The following CHD1 variants were observed in gnomAD, a reference collection of about 807,000 sequenced individuals.
CHD1 encodes chromodomain helicase DNA binding protein 1.
CHD1 carries 36 observed loss-of-function variants against 224.2 expected under a neutral mutation model. The observed-to-expected ratio is 0.16, with a 90% CI of 0.12 to 0.21. The LOEUF (loss-of-function observed/expected upper bound fraction) is 0.21. CHD1 is among the 10% of genes least tolerant of loss of function. CHD1 has a pLI of 1.00. For synonymous variants in CHD1, 668 were observed against 658.3 expected (o/e 1.01, Z -0.23); for missense variants, 1,378 against 1,994.8 (o/e 0.69, Z 5.89).
At chr5:98,862,406 A>G (rs976605821) in intron 32 of CHD1, among the ~76,000 whole-genome samples, 1 of 152,186 alleles carries the variant, frequency 6.6e-6, no homozygotes, top group African/African-American at 2.4e-5. Flanking sequence ...CTTAGGATGT[A>G]AAGTGACAGA....
Position 98,870,753 on chromosome 5 carries a change from G to C in CHD1, c.3912C>G (p.Thr1304=), listed in dbSNP as rs1159501001. The change falls in exon 29 of 36, where the codon ACC becomes ACG. Residue 1304 remains threonine, a synonymous_variant. Transcript: ENST00000614616. The part of the protein sequence containing the change: ...DKKPQAKQLQ[T]RADYLIKLLS... ...GTAATTTGATGAGGTAGTCTGCACGGGTCTGCAACTGTTTTGCTTGTGGTT... is the reference window on the plus strand; with the variant it reads ...GTAATTTGATGAGGTAGTCTGCACGCGTCTGCAACTGTTTTGCTTGTGGTT... 6.2e-7 allele frequency: 1 copy of C among 1,612,158 alleles called. No individual in the cohort carries two copies. Among genetic ancestry groups the C allele is most frequent in the South Asian group, 1.1e-5 (1 of 90,840 alleles).
At chr5:98,859,086 C>G (rs980411326) in intron 33 of CHD1, 71 bp from the exon 34 acceptor site, 66 of 1,161,476 alleles carry the variant, frequency 5.7e-5, no homozygotes, top group Non-Finnish European at 7.6e-5. Flanking sequence ...ACAGATAATT[C>G]TTAGAAAATA....
chr5:98,881,042 A>ATGTAATTAC (rs747931747), intron 22 of CHD1, 34 bp downstream of exon 22: 4 of 1,195,256 alleles, frequency 3.3e-6, no homozygotes, highest in Non-Finnish European at 5.0e-6. Context: ...CTCTCAATTT[A>ATGTAATTAC]TGTAATTACA....
At position 98,872,482 on chromosome 5, in the gene CHD1, G is replaced by C; in HGVS notation, c.3645C>G (p.Ile1215Met). ...AAGGTATTAATTCTTCTTCATGGGA[G>C]ATGACTAGTTTGGCATTCACCTGTA... ...SGVQVNAKLVISHEEELIPLH... is the reference protein window; with the variant it reads ...SGVQVNAKLVMSHEEELIPLH... Residue 1215 changes from isoleucine (I) to methionine (M), a missense_variant, in exon 27 of 36, where the codon ATC becomes ATG. Around this residue, in one of 16 missense-constraint regions of CHD1, gnomAD observed 286 missense variants for 445.1 expected, o/e 0.64. Coordinates refer to ENST00000614616, the MANE Select transcript of CHD1 (RefSeq NM_001270.4). 1 of 1,613,182 alleles carries C rather than the reference G, an allele frequency of 6.2e-7. No homozygotes were observed. Among genetic ancestry groups the C allele is most frequent in the Middle Eastern group, 1.7e-4 (1 of 6,058 alleles).
intron 30 of CHD1, chr5:98,869,381 C>T: frequency 5.1e-6 from 2 of 394,342 alleles, no homozygotes; most frequent in Non-Finnish European, 7.0e-6. Context: ...TCTGAAAGAG[C>T]CCAGAATCCC....
chr5:98,887,219 T>C (rs1202227624), intron 17 of CHD1, among the ~76,000 whole-genome samples: 1 of 152,148 alleles, frequency 6.6e-6, no homozygotes, highest in Non-Finnish European at 1.5e-5. Flanking sequence ...TTCCCCTAAA[T>C]GACTGCAATT....
At chr5:98,915,133 T>C (rs183931220) in intron 2 of CHD1, among the ~76,000 whole-genome samples, 1 of 152,276 alleles carries the variant, frequency 6.6e-6, no homozygotes, top group East Asian at 1.9e-4. Context: ...TACACACACA[T>C]AAATACAAAG....
At chr5:98,922,017 G>C (rs145046464) in intron 2 of CHD1, among the ~76,000 whole-genome samples, 252 of 152,180 alleles carry the variant, frequency 1.7e-3, no homozygotes, top group East Asian at 0.012. Context: ...GCGGGGCATG[G>C]TGGCGGGCAC....
At chr5:98,904,185 G>C (rs1198127769) in intron 3 of CHD1, among the ~76,000 whole-genome samples, 1 of 152,130 alleles carries the variant, frequency 6.6e-6, no homozygotes, top group Non-Finnish European at 1.5e-5. Flanking sequence ...GCTACTCATA[G>C]TGTGGTTACC....
At chr5:98,922,141 C>T (rs1753138434) in intron 2 of CHD1, among the ~76,000 whole-genome samples, 1 of 151,964 alleles carries the variant, frequency 6.6e-6, no homozygotes, top group Non-Finnish European at 1.5e-5. Flanking sequence ...AACAGTGAGA[C>T]TCCATCTCAA....
chr5:98,872,869 TG>T (rs1749462268), intron 26 of CHD1, among the ~76,000 whole-genome samples: 1 of 152,198 alleles, frequency 6.6e-6, no homozygotes, highest in East Asian at 1.9e-4. Flanking sequence ...TCGCCCAGGC[TG>T]GAAGTGCAGT....
chr5:98,923,773 T>TAGAGG (rs1453037194), intron 2 of CHD1, among the ~76,000 whole-genome samples: 1 of 152,220 alleles, frequency 6.6e-6, no homozygotes, highest in Non-Finnish European at 1.5e-5. Flanking sequence ...CTCCTCGCTT[T>TAGAGG]AGATATGGCA....
Position 98,863,577 on chromosome 5 carries a change from T to C in CHD1, c.4258A>G (p.Arg1420Gly). The change falls in exon 32 of 36, where the codon AGA (arginine) becomes GGA (glycine). Residue 1420 changes from arginine (R) to glycine (G), a missense_variant. Arg to Gly is a moderately radical substitution (Grantham distance 125, BLOSUM62 -2). Around this residue, in one of 16 missense-constraint regions of CHD1, gnomAD observed 23 missense variants for 65.8 expected, o/e 0.35. Transcript: ENST00000614616. ...DQKTFSICKE[R>G]MRPVKAALKQ... ...AAAGCTGCTTTAACAGGCCTCATTCTTTCTTTACACTTTAAAATGAGAAAA... is the reference window on the plus strand; with the variant it reads ...AAAGCTGCTTTAACAGGCCTCATTCCTTCTTTACACTTTAAAATGAGAAAA... The C allele has an allele frequency of 1.9e-6, 3 of 1,599,824 alleles. No homozygotes were observed. The highest frequency in any genetic ancestry group is 1.1e-5 in the South Asian group (1 of 87,834).
chr5:98,858,984 G>C lies in CHD1; in HGVS notation c.4556C>G (p.Pro1519Arg), dbSNP rs780744455. 29 of 1,560,452 alleles carry C rather than the reference G, an allele frequency of 1.9e-5. 1 individual carries two copies. In the East Asian group the frequency reaches 7.1e-4, roughly 38 times the overall value. ...CATACCTGGATTTCTAATCACGTGAGGATTCAAGTTGCTGTTTTGATCACT... is the reference window on the plus strand; with the variant it reads ...CATACCTGGATTTCTAATCACGTGACGATTCAAGTTGCTGTTTTGATCACT... ...QNSDQNSNLN[P>R]HVIRNPDVER... The change falls in exon 34 of 36, where the codon CCT (proline) becomes CGT (arginine). Residue 1519 changes from proline to arginine, a missense_variant. This residue lies in a region of CHD1 where 278 missense variants were observed against 298.5 expected (regional missense o/e 0.93). Coordinates refer to ENST00000614616, the MANE Select transcript of CHD1 (RefSeq NM_001270.4).
chr5:98,921,077 T>C (rs1753065267), intron 2 of CHD1, among the ~76,000 whole-genome samples: 1 of 151,992 alleles, frequency 6.6e-6, no homozygotes, highest in Non-Finnish European at 1.5e-5. Flanking sequence ...ATAAAATGGC[T>C]ATAAATCTTG....
intron 11 of CHD1, among the ~76,000 whole-genome samples, chr5:98,896,803 C>G (rs370525354): frequency 1.1e-4 from 11 of 99,836 alleles, no homozygotes; most frequent in African/African-American, 4.2e-4. Context: ...AAAAAAAAAA[C>G]TATAGCTAAA....
chr5:98,892,154 G>A (rs1288968240), intron 15 of CHD1, among the ~76,000 whole-genome samples: 1 of 152,114 alleles, frequency 6.6e-6, no homozygotes, highest in Non-Finnish European at 1.5e-5. Context: ...TCTTCAAAAA[G>A]CAGCAGAGCC....
At position 98,854,720 on chromosome 5, in the gene CHD1, G is replaced by T. The variant is rs1747895660; in HGVS notation, c.*1660C>A. The T allele has an allele frequency of 6.6e-6, 1 of 151,882 alleles. No homozygotes were observed. The highest frequency in any genetic ancestry group is 6.6e-5 in the Admixed American group (1 of 15,248). 9.4% of individuals were successfully genotyped at this position (151,882 alleles called of 1,614,324 possible). ...TACACATAAACCTAATTGGACAAAG[G>T]AAAATATTAAAAAATACACCTATGG... is the stretch of plus-strand genomic sequence containing the variant. On this transcript the variant is annotated 3_prime_UTR_variant, in exon 36 of 36. Coordinates refer to ENST00000614616, the MANE Select transcript of CHD1 (RefSeq NM_001270.4).
chr5:98,906,056 C>A (rs1443736111), intron 2 of CHD1, among the ~76,000 whole-genome samples: 6 of 152,018 alleles, frequency 3.9e-5, no homozygotes, highest in African/African-American at 1.5e-4. Context: ...TAAAATGCCA[C>A]CAGATGGAGG....
Sources: allele counts gnomAD v4.1 joint callset (sites outside exome capture counted in the v4.1 genomes callset), GRCh38; gene constraint gnomAD v4.1.1; regional missense constraint gnomAD v4.1.1; transcripts MANE v1.5; gene names NCBI Gene and HGNC (gene_info 2026-07-23, HGNC 2026-07-21).